RESF1: variants seen among roughly 807,000 people sequenced by gnomAD.
RESF1 encodes the protein retroelement silencing factor 1.
Under a neutral mutation model 134.7 loss-of-function variants are expected in RESF1, and 65 were observed. That is an observed-to-expected ratio of 0.48 (90% CI 0.40 to 0.59). The LOEUF is 0.59. RESF1 is among the 20% of genes least tolerant of loss of function. The pLI is 0.00. For missense variants in RESF1, 2,274 were observed against 2,002.7 expected, an observed-to-expected ratio of 1.14 and a Z score of -2.59; for synonymous variants, 762 against 702.2, an observed-to-expected ratio of 1.09 and a Z score of -1.35.
At position 31,985,023 on chromosome 12, in the gene RESF1, A is replaced by C; in HGVS notation, c.4068A>C (p.Ser1356=). The change falls in exon 4 of 6, where the codon TCA becomes TCC. Residue 1356 remains serine, a synonymous_variant. Coordinates refer to ENST00000312561, the MANE Select transcript of RESF1 (RefSeq NM_018169.4). ...AGAAGCATAGTTCTTTGGGACAGTCATTATCACCAGAAAAGATAAAATTGA... is the reference window on the plus strand; with the variant it reads ...AGAAGCATAGTTCTTTGGGACAGTCCTTATCACCAGAAAAGATAAAATTGA... The part of the protein sequence containing the change: ...VYKKHSSLGQ[S]LSPEKIKLKL... The C allele has an allele frequency of 6.3e-7, 1 of 1,592,126 alleles. No individual in the cohort carries two copies.
chr12:31,981,827 T>G lies in RESF1; in HGVS notation c.872T>G (p.Leu291Trp), dbSNP rs1335694348. Residue 291 changes from leucine (L) to tryptophan (W), a missense_variant, in exon 4 of 6, where the codon TTG (leucine) becomes TGG (tryptophan). Physicochemically the swap from Leu to Trp is moderately conservative, Grantham distance 61. Coordinates refer to ENST00000312561, the MANE Select transcript of RESF1 (RefSeq NM_018169.4). ...PYNCRYGSQPLQSTQHITKHL... is the reference protein window; with the variant it reads ...PYNCRYGSQPWQSTQHITKHL... ...AACTGTAGATATGGAAGCCAGCCTT[T>G]GCAAAGTACTCAGCATATTACTAAA... 1.2e-6 allele frequency: 2 copies of G among 1,614,106 alleles called. No homozygotes were observed. The highest frequency in any genetic ancestry group is 1.7e-6 in the Non-Finnish European group (2 of 1,180,042).
intron 1 of RESF1, 125 bp downstream of exon 1, chr12:31,959,616 T>G (rs2120731809): frequency 6.6e-6 from 1 of 151,938 alleles, no homozygotes; most frequent in South Asian, 2.1e-4. Context: ...GCGCTTTTGT[T>G]CTGCGGCAAA....
At position 31,985,582 on chromosome 12, in the gene RESF1, A is replaced by G. The variant is rs1939952866; in HGVS notation, c.4627A>G (p.Lys1543Glu). Reference protein sequence around the residue: ...LRNVKEKVGGKQPDKIWIDKT... With the variant: ...LRNVKEKVGGEQPDKIWIDKT... ...GAATGTTAAAGAAAAAGTTGGTGGG[A>G]AGCAGCCTGATAAAATATGGATTGA... is the stretch of plus-strand genomic sequence containing the variant. Residue 1543 changes from lysine to glutamate, a missense_variant, in exon 4 of 6, where the codon AAG (lysine) becomes GAG (glutamate). Lys to Glu is a moderately conservative substitution (Grantham distance 56). Transcript: ENST00000312561. 1 of 1,602,286 alleles carries G rather than the reference A, an allele frequency of 6.2e-7. No individual in the cohort carries two copies. The highest frequency in any genetic ancestry group is 8.5e-7 in the Non-Finnish European group (1 of 1,176,870).
chr12:31,980,479 A>G (rs1215687512), intron 3 of RESF1, among the ~76,000 whole-genome samples: 1 of 152,218 alleles, frequency 6.6e-6, no homozygotes, highest in Admixed American at 6.5e-5. Context: ...GACTTTGCGA[A>G]TGAACAATGA....
At chr12:31,986,596 G>A (rs531168224) in intron 4 of RESF1, among the ~76,000 whole-genome samples, 2 of 152,290 alleles carry the variant, frequency 1.3e-5, no homozygotes, top group South Asian at 2.1e-4. Flanking sequence ...TGAATATTAG[G>A]TAGCTTAATG....
chr12:31,978,527 G>A lies in RESF1; in HGVS notation c.-78-2351G>A, dbSNP rs568690205. Among the ~76,000 whole-genome samples the A allele has an allele frequency of 2.0e-5, 3 of 149,020 alleles. No homozygotes were observed. The East Asian group carries it at 5.9e-4, about 29-fold the overall frequency. ...TCTTTATAATTTTTTAAATATGTAG[G>A]TATTTGGGGTTTTTTTTTGTTTTTT... On this transcript the variant is annotated intron_variant, in intron 3 of 5. Coordinates refer to ENST00000312561, the MANE Select transcript of RESF1 (RefSeq NM_018169.4).
Position 31,984,120 on chromosome 12 carries a change from G to C in RESF1, c.3165G>C (p.Leu1055=). 6.2e-7 allele frequency: 1 copy of C among 1,612,904 alleles called. No individual in the cohort carries two copies. Among genetic ancestry groups the C allele is most frequent in the Non-Finnish European group, 8.5e-7 (1 of 1,179,690 alleles). The change falls in exon 4 of 6, where the codon CTG becomes CTC. Residue 1055 remains leucine, a synonymous_variant. Transcript: ENST00000312561. The part of the protein sequence containing the change: ...KAPVLYLHDQ[L]SELLKEFPYG... ...CTGTCTTATACCTACATGACCAGCT[G>C]TCAGAACTTCTAAAAGAGTTTCCTT...
At position 31,983,683 on chromosome 12, in the gene RESF1, G is replaced by A. The variant is rs750897058; in HGVS notation, c.2728G>A (p.Ala910Thr). 12 of 1,613,680 alleles carry A rather than the reference G, an allele frequency of 7.4e-6. No homozygotes were observed. The highest frequency in any genetic ancestry group is 1.0e-5 in the Non-Finnish European group (12 of 1,179,980). ...TGATACCTCTTACAATTCCCAAATA[G>A]CAAAGATATTCAGCTCTCTTCCCTT... ...EGDTSYNSQI[A>T]KIFSSLPLKM... The change falls in exon 4 of 6, where the codon GCA (alanine) becomes ACA (threonine). Residue 910 changes from alanine (A) to threonine (T), a missense_variant. Ala to Thr is a moderately conservative substitution (Grantham distance 58, BLOSUM62 0). Coordinates refer to ENST00000312561, the MANE Select transcript of RESF1 (RefSeq NM_018169.4).
Position 31,992,762 on chromosome 12 carries a change from C to T in RESF1, c.*227C>T. On this transcript the variant is annotated 3_prime_UTR_variant, in exon 6 of 6. Coordinates refer to ENST00000312561, the MANE Select transcript of RESF1 (RefSeq NM_018169.4). ...CCGGGGAAACAAGGTATTTGAATTTCTACTTTATTGAACCAGATTTACCAT... is the reference window on the plus strand; with the variant it reads ...CCGGGGAAACAAGGTATTTGAATTTTTACTTTATTGAACCAGATTTACCAT... 2.0e-6 allele frequency: 1 copy of T among 508,002 alleles called. No individual in the cohort carries two copies. Among genetic ancestry groups the T allele is most frequent in the South Asian group, 2.2e-5 (1 of 44,526 alleles). 31.5% of individuals were successfully genotyped at this position (508,002 alleles called of 1,614,324 possible).
Position 31,982,372 on chromosome 12 carries a change from G to A in RESF1, c.1417G>A (p.Val473Met). ...ENAERQTPTVVESAETNKTQC... is the reference protein window; with the variant it reads ...ENAERQTPTVMESAETNKTQC... ...TGCAGAGAGACAAACACCAACAGTA[G>A]TGGAATCTGCAGAAACAAATAAGAC... is the stretch of plus-strand genomic sequence containing the variant. Residue 473 changes from valine (V) to methionine (M), a missense_variant, in exon 4 of 6, where the codon GTG (valine) becomes ATG (methionine). Coordinates refer to ENST00000312561, the MANE Select transcript of RESF1 (RefSeq NM_018169.4). 6.2e-7 allele frequency: 1 copy of A among 1,614,100 alleles called. No individual in the cohort carries two copies. Among genetic ancestry groups the A allele is most frequent in the Non-Finnish European group, 8.5e-7 (1 of 1,179,982 alleles).
At chr12:31,964,313 A>AG (rs1250826586) in intron 2 of RESF1, among the ~76,000 whole-genome samples, 3 of 151,574 alleles carry the variant, frequency 2.0e-5, no homozygotes, top group African/African-American at 2.4e-5. Flanking sequence ...GCCTGCTTAT[A>AG]GGCCCCAGTG....
rs1345176819 is a variant in RESF1 at position 31,959,483 on chromosome 12, C to T, written c.-350C>T. 3 of 152,302 alleles carry T rather than the reference C, an allele frequency of 2.0e-5. No homozygotes were observed. The highest frequency in any genetic ancestry group is 2.1e-4 in the South Asian group (1 of 4,838). The allele number at this position is 152,302 out of a possible 1,614,324, so 9.4% of individuals were successfully genotyped here. On this transcript the variant is annotated 5_prime_UTR_variant, in exon 1 of 6. Coordinates refer to ENST00000312561, the MANE Select transcript of RESF1 (RefSeq NM_018169.4). ...CCCGCTTGCCGGGGTGGTCCTCTTC[C>T]CTTTGTCGGTAAGTGTGAGACGAGC...
chr12:31,981,519 G>T lies in RESF1; in HGVS notation c.564G>T (p.Gln188His), dbSNP rs1939791653. 2 of 1,614,090 alleles carry T rather than the reference G, an allele frequency of 1.2e-6. No homozygotes were observed. The highest frequency in any genetic ancestry group is 1.7e-6 in the Non-Finnish European group (2 of 1,179,990). The change falls in exon 4 of 6, where the codon CAG becomes CAT. Residue 188 changes from glutamine (Q) to histidine (H), a missense_variant. By Grantham distance (24) the Gln-to-His change is conservative (BLOSUM62 0). Coordinates refer to ENST00000312561, the MANE Select transcript of RESF1 (RefSeq NM_018169.4). Reference protein sequence around the residue: ...VAYQGNQGLNQSFSEQQVDWT... With the variant: ...VAYQGNQGLNHSFSEQQVDWT... Reference sequence around the variant, plus strand: ...ACCAAGGAAATCAGGGACTTAACCAGTCTTTTTCAGAGCAACAGGTTGATT... The same window carrying T: ...ACCAAGGAAATCAGGGACTTAACCATTCTTTTTCAGAGCAACAGGTTGATT...
chr12:31,983,781 ATT>A lies in RESF1; in HGVS notation c.2827_2828del (p.Leu943ArgfsTer2). On this transcript the variant is annotated frameshift_variant, in exon 4 of 6. Coordinates refer to ENST00000312561, the MANE Select transcript of RESF1 (RefSeq NM_018169.4). LOFTEE classifies it high-confidence loss of function. ...GIGSREPEKQ[L>X]DNTTENKDFG... ...TTGGCAGCAGAGAACCAGAAAAACA[ATT>A]AGATAATACCACTGAAAATAAAGAC... is the stretch of plus-strand genomic sequence containing the variant. The A allele has an allele frequency of 6.2e-7, 1 of 1,613,462 alleles. No individual in the cohort carries two copies. Among genetic ancestry groups the A allele is most frequent in the Non-Finnish European group, 8.5e-7 (1 of 1,179,948 alleles).
rs556481543 is a variant in RESF1 at position 31,971,866 on chromosome 12, CAG to C, written c.-79+1511_-79+1512del. Reference sequence around the variant, plus strand: ...GTTACTTATAGCAGAATAACTGAAACAGGGGCCTTTATGAAGAAAAGGAATTC... The same window carrying C: ...GTTACTTATAGCAGAATAACTGAAACGGGCCTTTATGAAGAAAAGGAATTC... On this transcript the variant is annotated intron_variant, in intron 3 of 5. Transcript: ENST00000312561. 2.6e-3 allele frequency among the ~76,000 whole-genome samples: 394 copies of C among 152,252 alleles called. 1 individual carries two copies. Among genetic ancestry groups the C allele is most frequent in the South Asian group, 8.9e-3 (43 of 4,822 alleles).
intron 4 of RESF1, among the ~76,000 whole-genome samples, chr12:31,986,986 C>T (rs1418037751): frequency 2.0e-5 from 3 of 152,082 alleles, no homozygotes; most frequent in African/African-American, 7.2e-5. Context: ...CCTTTAATAT[C>T]TGGAGATGTA....
rs762344134 is a variant in RESF1, at chr12:31,982,213, C to A, written c.1258C>A (p.Leu420Ile). The change falls in exon 4 of 6, where the codon CTT (leucine) becomes ATT (isoleucine). Residue 420 changes from leucine to isoleucine, a missense_variant. Leu to Ile is a conservative substitution (Grantham distance 5, BLOSUM62 2). Coordinates refer to ENST00000312561, the MANE Select transcript of RESF1 (RefSeq NM_018169.4). ...AAGGAAAATTAAAATCAATAAAGAT[C>A]TTTTGATGGCAGCAGGTTGTATTAA... ...LARKIKINKD[L>I]LMAAGCIKMT... The A allele has an allele frequency of 2.5e-6, 4 of 1,612,192 alleles. No homozygotes were observed. The highest frequency in any genetic ancestry group is 1.7e-5 in the Admixed American group (1 of 59,606).
At chr12:31,962,525 C>T (rs1437607954) in intron 2 of RESF1, 2 of 152,142 alleles carry the variant, frequency 1.3e-5, no homozygotes, top group Non-Finnish European at 2.9e-5. Context: ...AAGTGAAGAG[C>T]AAAGTTGGAG....
Position 31,983,995 on chromosome 12 carries a change from G to C in RESF1, c.3040G>C (p.Ala1014Pro). 6.2e-7 allele frequency: 1 copy of C among 1,613,916 alleles called. No homozygotes were observed. Among genetic ancestry groups the C allele is most frequent in the African/African-American group, 1.3e-5 (1 of 75,032 alleles). ...CACAGCTAACGATACGTGCTCGTCA[G>C]CTGCTATTCAGGAGGATATTTACCC... ...KSTANDTCSSAAIQEDIYPQE... is the reference protein window; with the variant it reads ...KSTANDTCSSPAIQEDIYPQE... The change falls in exon 4 of 6, where the codon GCT becomes CCT. Residue 1014 changes from alanine (A) to proline (P), a missense_variant. Transcript: ENST00000312561.
Sources: allele counts gnomAD v4.1 joint callset (sites outside exome capture counted in the v4.1 genomes callset), GRCh38; gene constraint gnomAD v4.1.1; transcripts MANE v1.5; gene names NCBI Gene and HGNC (gene_info 2026-07-23, HGNC 2026-07-21).